GPC5: variants seen among roughly 807,000 people sequenced by gnomAD.
GPC5 encodes glypican-5.
GPC5 carries 47 observed loss-of-function variants against 53.9 expected under a neutral mutation model. The observed-to-expected ratio is 0.87, with a 90% CI of 0.69 to 1.11. The LOEUF is 1.11. Among genes scored for constraint, GPC5 ranks in the 50% most tolerant of loss-of-function variants. The pLI, the probability that GPC5 is intolerant of heterozygous loss-of-function variation, is 0.00. For missense variants in GPC5, 748 were observed against 713.1 expected (o/e 1.05, Z -0.56); for synonymous variants, 286 against 263.3 (o/e 1.09, Z -0.84).
At chr13:91,726,379 G>A (rs1408945138) in intron 3 of GPC5, among the ~76,000 whole-genome samples, 3 of 152,008 alleles carry the variant, frequency 2.0e-5, no homozygotes, top group South Asian at 2.1e-4. Flanking sequence ...TCTACAGTGC[G>A]GCCTCATGCA....
intron 5 of GPC5, among the ~76,000 whole-genome samples, chr13:91,846,663 C>A (rs1024899781): frequency 2.0e-5 from 3 of 151,990 alleles, no homozygotes; most frequent in African/African-American, 7.2e-5. Context: ...AGTGTAATTT[C>A]TAAATACTTG....
At chr13:91,511,206 T>C (rs1389409567) in intron 2 of GPC5, among the ~76,000 whole-genome samples, 1 of 152,214 alleles carries the variant, frequency 6.6e-6, no homozygotes, top group Admixed American at 6.5e-5. Flanking sequence ...GCCTTTCTAT[T>C]GTTTTCTGGC....
chr13:91,776,086 T>C (rs964476048), intron 5 of GPC5, among the ~76,000 whole-genome samples: 1 of 152,182 alleles, frequency 6.6e-6, no homozygotes, highest in Non-Finnish European at 1.5e-5. Context: ...AGAAAGTTTT[T>C]GGATGTCTGG....
intron 1 of GPC5, among the ~76,000 whole-genome samples, chr13:91,401,392 A>T (rs17643188): frequency 5.9e-5 from 9 of 152,090 alleles, no homozygotes; most frequent in Non-Finnish European, 1.2e-4. Flanking sequence ...TATGATCTAC[A>T]ACATTTAACA....
At chr13:91,433,999 C>G (rs1413593305) in intron 1 of GPC5, among the ~76,000 whole-genome samples, 2 of 152,150 alleles carry the variant, frequency 1.3e-5, no homozygotes, top group Non-Finnish European at 2.9e-5. Flanking sequence ...TAAATGTCTT[C>G]TTTTGAGAAG....
chr13:91,607,437 C>A (rs1208008886), intron 2 of GPC5, among the ~76,000 whole-genome samples: 1 of 152,154 alleles, frequency 6.6e-6, no homozygotes, highest in East Asian at 1.9e-4. Flanking sequence ...TGTGCTTTTC[C>A]TATCAAAAGG....
At chr13:91,457,122 G>A (rs891032260) in intron 2 of GPC5, among the ~76,000 whole-genome samples, 1 of 151,916 alleles carries the variant, frequency 6.6e-6, no homozygotes, top group African/African-American at 2.4e-5. Flanking sequence ...GTATCTTGAT[G>A]TATTACATTA....
chr13:92,045,817 T>C (rs887542241), intron 6 of GPC5, among the ~76,000 whole-genome samples: 10 of 152,166 alleles, frequency 6.6e-5, no homozygotes, highest in African/African-American at 1.7e-4. Context: ...GGTCTTGGGA[T>C]AAATATTGAT....
chr13:91,943,899 C>T (rs1157850416), intron 6 of GPC5, among the ~76,000 whole-genome samples: 1 of 151,634 alleles, frequency 6.6e-6, no homozygotes, highest in Non-Finnish European at 1.5e-5. Context: ...AGATGGATTT[C>T]TGGTATTCTA....
At chr13:91,548,999 A>G (rs2030463336) in intron 2 of GPC5, among the ~76,000 whole-genome samples, 1 of 152,168 alleles carries the variant, frequency 6.6e-6, no homozygotes, top group Admixed American at 6.6e-5. Flanking sequence ...GGCTGGGTGC[A>G]GTGACTCATG....
At chr13:92,017,865 G>A (rs997684808) in intron 6 of GPC5, among the ~76,000 whole-genome samples, 6 of 150,450 alleles carry the variant, frequency 4.0e-5, no homozygotes, top group Admixed American at 3.3e-4. Flanking sequence ...ACACACATAC[G>A]CGTGCATGAG....
chr13:92,567,677 G>A (rs555770685), intron 7 of GPC5, among the ~76,000 whole-genome samples: 1 of 152,190 alleles, frequency 6.6e-6, no homozygotes, highest in East Asian at 1.9e-4. Flanking sequence ...CAAGGAATGG[G>A]GGCAGCCTCT....
rs544635419 is a variant in GPC5, at chr13:91,809,286, A to G, written c.1280+52866A>G. The stretch of plus-strand genomic sequence containing the variant: ...ATTTTAACCACTACTGAAATATTTG[A>G]AATCCACTGCCGTTTAATCATAGCA... On this transcript the variant is annotated intron_variant, in intron 5 of 7. Transcript: ENST00000377067. 5.3e-5 allele frequency among the ~76,000 whole-genome samples: 8 copies of G among 152,278 alleles called. No homozygotes were observed. In the East Asian group the frequency reaches 7.7e-4, roughly 15 times the overall value.
At chr13:91,757,878 A>T (rs985852740) in intron 5 of GPC5, among the ~76,000 whole-genome samples, 1 of 152,182 alleles carries the variant, frequency 6.6e-6, no homozygotes, top group Non-Finnish European at 1.5e-5. Context: ...TAACTTTGCT[A>T]TGATAAACAT....
At chr13:92,345,822 C>G (rs7325768) in intron 7 of GPC5, among the ~76,000 whole-genome samples, 72,684 of 151,884 alleles carry the variant, frequency 0.48, 19,051 homozygotes, top group African/African-American at 0.71. Flanking sequence ...TAAAGGCATA[C>G]CTAAACTGCC....
intron 7 of GPC5, among the ~76,000 whole-genome samples, chr13:92,484,041 G>C (rs909305233): frequency 1.3e-5 from 2 of 152,172 alleles, no homozygotes; most frequent in South Asian, 2.1e-4. Flanking sequence ...AGGAGGCTGA[G>C]GTGGGAGGAC....
intron 5 of GPC5, among the ~76,000 whole-genome samples, chr13:91,826,840 T>C (rs913949802): frequency 2.6e-5 from 4 of 152,010 alleles, no homozygotes; most frequent in African/African-American, 7.2e-5. Flanking sequence ...TGTATGTGCA[T>C]GTCACACCAT....
intron 2 of GPC5, among the ~76,000 whole-genome samples, chr13:91,675,256 G>C (rs1476737676): frequency 1.3e-5 from 2 of 151,932 alleles, no homozygotes; most frequent in African/African-American, 4.8e-5. Context: ...TTTACAATAA[G>C]TATAAGGACT....
chr13:92,343,826 T>C (rs186366104), intron 7 of GPC5, among the ~76,000 whole-genome samples: 227 of 152,184 alleles, frequency 1.5e-3, no homozygotes, highest in Middle Eastern at 3.4e-3. Context: ...ATTTATAAAA[T>C]TAATTTGAAA....
Sources: gnomAD v4.1 joint callset for allele counts (sites outside exome capture counted in the v4.1 genomes callset) on GRCh38, gnomAD v4.1.1 for gene constraint, MANE v1.5 for transcripts, NCBI Gene and HGNC (gene_info 2026-07-23, HGNC 2026-07-21) for gene names.